DOK6: variants seen among roughly 807,000 people sequenced by gnomAD.
DOK6 encodes docking protein 6.
Under a neutral mutation model 44.0 loss-of-function variants are expected in DOK6, and 22 were observed. That is an observed-to-expected ratio of 0.50 (90% confidence interval 0.36 to 0.71). The LOEUF (loss-of-function observed/expected upper bound fraction) is 0.71, where lower values mean the gene tolerates loss of function less well. Among genes scored for constraint, DOK6 ranks in the 30% least tolerant of loss-of-function variants. DOK6 has a pLI of 0.00. For synonymous variants in DOK6, 166 were observed against 145.5 expected (o/e 1.14, Z -1.01); for missense variants, 340 against 416.4 (o/e 0.82, Z 1.60).
At chr18:69,490,571 T>G (rs1298711518) in intron 1 of DOK6, among the ~76,000 whole-genome samples, 1 of 152,144 alleles carries the variant, frequency 6.6e-6, no homozygotes, top group Non-Finnish European at 1.5e-5. Flanking sequence ...AAATACTTTT[T>G]TATTACGTAA....
intron 1 of DOK6, among the ~76,000 whole-genome samples, chr18:69,442,036 G>A (rs1182085233): frequency 2.0e-5 from 3 of 152,164 alleles, no homozygotes; most frequent in Non-Finnish European, 4.4e-5. Flanking sequence ...GAACAAGGTA[G>A]TCAGAGGATT....
At chr18:69,630,759 A>G (rs533612758) in intron 3 of DOK6, among the ~76,000 whole-genome samples, 47 of 152,348 alleles carry the variant, frequency 3.1e-4, no homozygotes, top group African/African-American at 1.1e-3. Flanking sequence ...CTGTGACTGC[A>G]TGTATTGCAC....
intron 4 of DOK6, among the ~76,000 whole-genome samples, chr18:69,690,191 T>A (rs1007234010): frequency 3.4e-5 from 5 of 147,916 alleles, no homozygotes; most frequent in Non-Finnish European, 6.0e-5. Context: ...ACTGTGGAAT[T>A]TTTTTTTTTT....
At chr18:69,564,049 G>A (rs112855030) in intron 1 of DOK6, among the ~76,000 whole-genome samples, 5,065 of 152,080 alleles carry the variant, frequency 0.033, 258 homozygotes, top group African/African-American at 0.11. Flanking sequence ...ATGAACATCT[G>A]TTTTTAAAAA....
At chr18:69,491,552 C>T (rs1158179235) in intron 1 of DOK6, among the ~76,000 whole-genome samples, 1 of 152,164 alleles carries the variant, frequency 6.6e-6, no homozygotes. Flanking sequence ...AATGTTGTCT[C>T]GTCACATTTG....
At chr18:69,598,269 T>A (rs959465979) in intron 2 of DOK6, among the ~76,000 whole-genome samples, 1 of 151,564 alleles carries the variant, frequency 6.6e-6, no homozygotes, top group Non-Finnish European at 1.5e-5. Context: ...AACTATAATA[T>A]GCAAATGTGT....
intron 7 of DOK6, among the ~76,000 whole-genome samples, chr18:69,770,113 A>G (rs1979844490): frequency 6.6e-6 from 1 of 152,154 alleles, no homozygotes; most frequent in African/African-American, 2.4e-5. Flanking sequence ...GTTTTTATAA[A>G]TGGAGAGAGG....
At chr18:69,414,681 T>G (rs2122395794) in intron 1 of DOK6, among the ~76,000 whole-genome samples, 1 of 152,162 alleles carries the variant, frequency 6.6e-6, no homozygotes, top group East Asian at 1.9e-4. Context: ...AATGTCAGTA[T>G]TTTGGTTATG....
chr18:69,740,457 C>T (rs184315941), intron 6 of DOK6, among the ~76,000 whole-genome samples: 108 of 152,240 alleles, frequency 7.1e-4, no homozygotes, highest in African/African-American at 2.5e-3. Flanking sequence ...ATGTCACTTG[C>T]TATTAGTTAA....
At chr18:69,820,337 C>T (rs1568135683) in intron 7 of DOK6, among the ~76,000 whole-genome samples, 1 of 152,116 alleles carries the variant, frequency 6.6e-6, no homozygotes, top group African/African-American at 2.4e-5. Flanking sequence ...CAAACTTACT[C>T]AATCTCTGTA....
At chr18:69,715,070 T>G (rs2144718685) in intron 5 of DOK6, among the ~76,000 whole-genome samples, 1 of 152,314 alleles carries the variant, frequency 6.6e-6, no homozygotes, top group East Asian at 1.9e-4. Flanking sequence ...ACTATTACGT[T>G]ATACATGTCT....
intron 1 of DOK6, among the ~76,000 whole-genome samples, chr18:69,408,365 T>C (rs1978292904): frequency 1.3e-5 from 2 of 152,020 alleles, no homozygotes; most frequent in East Asian, 1.9e-4. Context: ...ATGCAGATAC[T>C]TGTCCAGGCC....
chr18:69,523,715 T>G (rs1981751464), intron 1 of DOK6, among the ~76,000 whole-genome samples: 1 of 151,938 alleles, frequency 6.6e-6, no homozygotes, highest in Non-Finnish European at 1.5e-5. Flanking sequence ...TTATTTTGTT[T>G]ATGTTGTGTT....
intron 2 of DOK6, 100 bp from the exon 3 acceptor site, chr18:69,599,284 G>T: frequency 1.2e-6 from 1 of 858,976 alleles, no homozygotes; most frequent in South Asian, 1.9e-5. Flanking sequence ...ATATCCCGTG[G>T]AAATTCATGT....
intron 1 of DOK6, among the ~76,000 whole-genome samples, chr18:69,424,897 T>C (rs1224241085): frequency 1.3e-5 from 2 of 152,168 alleles, no homozygotes; most frequent in African/African-American, 4.8e-5. Context: ...TCTTCAATAT[T>C]GTGCTGGATT....
chr18:69,726,613 T>C (rs535440357), intron 5 of DOK6, among the ~76,000 whole-genome samples: 3 of 150,466 alleles, frequency 2.0e-5, no homozygotes, highest in African/African-American at 7.3e-5. Context: ...AAACAACAAA[T>C]TGTATATATA....
At chr18:69,497,679 A>T (rs1980931347) in intron 1 of DOK6, among the ~76,000 whole-genome samples, 1 of 152,222 alleles carries the variant, frequency 6.6e-6, no homozygotes, top group Non-Finnish European at 1.5e-5. Flanking sequence ...GTTGAATTGC[A>T]AAATCAATGA....
intron 3 of DOK6, among the ~76,000 whole-genome samples, chr18:69,676,523 G>C (rs904399365): frequency 2.0e-5 from 3 of 152,026 alleles, no homozygotes; most frequent in Admixed American, 2.0e-4. Context: ...AAAGGGTGAG[G>C]TGTCATCCAC....
chr18:69,770,114 T>C (rs1249397200), intron 7 of DOK6, among the ~76,000 whole-genome samples: 2 of 151,872 alleles, frequency 1.3e-5, no homozygotes, highest in South Asian at 2.1e-4. Flanking sequence ...TTTTTATAAA[T>C]GGAGAGAGGT....
Sources: allele counts gnomAD v4.1 joint callset (sites outside exome capture counted in the v4.1 genomes callset), GRCh38; gene constraint gnomAD v4.1.1; transcripts MANE v1.5; gene names NCBI Gene and HGNC (gene_info 2026-07-23, HGNC 2026-07-21).